The following FSHR variants were observed in gnomAD, a reference collection of about 807,000 sequenced individuals.
The protein encoded by FSHR is follicle stimulating hormone receptor.
A neutral mutation model predicts 52.1 loss-of-function variants in FSHR; 46 were observed. That is an observed-to-expected ratio of 0.88 (90% CI 0.70 to 1.13). FSHR has a LOEUF of 1.13. FSHR is among the 50% of genes most tolerant of loss of function. FSHR has a pLI of 0.00. For missense variants in FSHR, 964 were observed against 834.6 expected, an observed-to-expected ratio of 1.16 and a Z score of -1.91; for synonymous variants, 399 against 309.6, an observed-to-expected ratio of 1.29 and a Z score of -3.03.
In FSHR at chr2:49,148,179, CACGT is replaced by C. The variant is rs1349022980; in HGVS notation, c.152+6083_152+6086del. On this transcript the variant is annotated intron_variant, in intron 1 of 9. Coordinates refer to ENST00000406846, the MANE Select transcript of FSHR (RefSeq NM_000145.4). ...TTAGGTATAGAGAGGCAAGTATTATCACGTAAGTCAAGAGAATTGAATGATGTGC... is the reference window on the plus strand; with the variant it reads ...TTAGGTATAGAGAGGCAAGTATTATCAAGTCAAGAGAATTGAATGATGTGC... Among the ~76,000 whole-genome samples, 9 of 152,068 alleles carry C rather than the reference CACGT, an allele frequency of 5.9e-5. No homozygotes were observed. The South Asian group carries it at 1.5e-3, about 25-fold the overall frequency.
intron 2 of FSHR, among the ~76,000 whole-genome samples, chr2:49,033,968 A>G (rs1668191557): frequency 6.6e-6 from 1 of 152,196 alleles, no homozygotes. Context: ...TTAGGTCCTC[A>G]GCCACTGAAG....
chr2:49,079,421 G>A (rs891636871), intron 1 of FSHR, among the ~76,000 whole-genome samples: 6 of 152,088 alleles, frequency 3.9e-5, no homozygotes, highest in Non-Finnish European at 8.8e-5. Context: ...GGAAGAGCAA[G>A]TTTTAAAGAA....
chr2:49,068,120 G>T, intron 2 of FSHR, 99 bp downstream of exon 2: 2 of 900,908 alleles, frequency 2.2e-6, no homozygotes, highest in Non-Finnish European at 1.8e-6. Flanking sequence ...GACCATGTCA[G>T]TTCGGCTACT....
chr2:49,087,070 G>GATTTTTTTTTTTTTTTTTTTTTTTTTTT (rs60949511), intron 1 of FSHR, among the ~76,000 whole-genome samples: 3 of 86,728 alleles, frequency 3.5e-5, no homozygotes, highest in African/African-American at 1.3e-4. Context: ...TGTGGGCAGG[G>GATTTTTTTTTTTTTTTTTTTTTTTTTTT]TTTTTTTTTT....
chr2:49,083,913 A>C (rs1474084408), intron 1 of FSHR, among the ~76,000 whole-genome samples: 1 of 151,616 alleles, frequency 6.6e-6, no homozygotes, highest in Non-Finnish European at 1.5e-5. Flanking sequence ...TTAACATCCC[A>C]CTGTCAACAT....
chr2:49,138,233 T>C (rs918362707), intron 1 of FSHR, among the ~76,000 whole-genome samples: 1 of 152,114 alleles, frequency 6.6e-6, no homozygotes, highest in Non-Finnish European at 1.5e-5. Flanking sequence ...TACAATGATG[T>C]GAAAAAATAG....
At chr2:49,044,375 A>G (rs1350322948) in intron 2 of FSHR, among the ~76,000 whole-genome samples, 1 of 152,174 alleles carries the variant, frequency 6.6e-6, no homozygotes, top group East Asian at 1.9e-4. Context: ...CACACTTAAA[A>G]TTGGAGGCAT....
chr2:49,031,832 A>G (rs1009377025), intron 2 of FSHR, among the ~76,000 whole-genome samples: 1 of 152,234 alleles, frequency 6.6e-6, no homozygotes, highest in Non-Finnish European at 1.5e-5. Flanking sequence ...CTTTGTGAGA[A>G]TTCTTTATGA....
intron 1 of FSHR, among the ~76,000 whole-genome samples, chr2:49,141,895 C>T (rs923074854): frequency 2.0e-5 from 3 of 152,102 alleles, no homozygotes; most frequent in Non-Finnish European, 4.4e-5. Context: ...AATTTCAATT[C>T]TGATACTGAG....
Position 48,979,674 on chromosome 2 carries a change from G to C in FSHR, c.668+3238C>G, listed in dbSNP as rs142360002. The stretch of plus-strand genomic sequence containing the variant: ...ACTTTGAAGGACCATCTTAACTCCA[G>C]ATCTCCCCATGGGATCAGCTGAGCC... On this transcript the variant is annotated intron_variant, in intron 8 of 9. Transcript: ENST00000406846. Among the ~76,000 whole-genome samples the C allele has an allele frequency of 3.5e-3, 532 of 152,292 alleles. 2 individuals are homozygous for C. Among genetic ancestry groups the C allele is most frequent in the African/African-American group, 0.012 (509 of 41,560 alleles).
intron 2 of FSHR, among the ~76,000 whole-genome samples, chr2:49,044,110 C>A (rs1668574288): frequency 6.6e-6 from 1 of 152,170 alleles, no homozygotes; most frequent in Non-Finnish European, 1.5e-5. Flanking sequence ...CAAATCCTAT[C>A]TGTTCTTTTA....
chr2:49,069,294 A>G (rs1669639779), intron 1 of FSHR, among the ~76,000 whole-genome samples: 1 of 152,030 alleles, frequency 6.6e-6, no homozygotes, highest in South Asian at 2.1e-4. Context: ...ATGTTTCCAC[A>G]TTTGCGGTTC....
At chr2:49,046,382 C>T (rs1668654644) in intron 2 of FSHR, among the ~76,000 whole-genome samples, 1 of 152,292 alleles carries the variant, frequency 6.6e-6, no homozygotes, top group Non-Finnish European at 1.5e-5. Context: ...AATGCATGAA[C>T]TTTGGAGTAA....
intron 6 of FSHR, among the ~76,000 whole-genome samples, chr2:48,983,904 C>G (rs1426057271): frequency 6.6e-6 from 1 of 152,092 alleles, no homozygotes; most frequent in Non-Finnish European, 1.5e-5. Flanking sequence ...GTTCCCTGGA[C>G]AGGGGAGCCC....
At chr2:49,015,510 G>A (rs1030907889) in intron 4 of FSHR, among the ~76,000 whole-genome samples, 11 of 152,134 alleles carry the variant, frequency 7.2e-5, no homozygotes, top group African/African-American at 1.7e-4. Context: ...AGCCATGTGC[G>A]TCTCTCAGAA....
chr2:49,085,439 A>AC (rs1670342466), intron 1 of FSHR, among the ~76,000 whole-genome samples: 12 of 151,352 alleles, frequency 7.9e-5, no homozygotes, highest in South Asian at 4.2e-4. Context: ...TGGCACAACG[A>AC]AGGGATGCCC....
At chr2:49,032,168 A>T (rs1224313935) in intron 2 of FSHR, among the ~76,000 whole-genome samples, 1 of 152,204 alleles carries the variant, frequency 6.6e-6, no homozygotes, top group Non-Finnish European at 1.5e-5. Context: ...GTTTTCTCCA[A>T]GGAAGCCTTC....
rs72879892 is a variant in FSHR at position 49,146,413 on chromosome 2, C to G, written c.152+7853G>C. On this transcript the variant is annotated intron_variant, in intron 1 of 9. Transcript: ENST00000406846. Reference sequence around the variant, plus strand: ...CAGGAGGGATGCAGTGCTCAGAGACCTGTCCCCCTGTTTAGTTATGAAATC... The same window carrying G: ...CAGGAGGGATGCAGTGCTCAGAGACGTGTCCCCCTGTTTAGTTATGAAATC... Among the ~76,000 whole-genome samples, 550 of 152,170 alleles carry G rather than the reference C, an allele frequency of 3.6e-3. 4 individuals are homozygous for G. Among genetic ancestry groups the G allele is most frequent in the African/African-American group, 0.013 (529 of 41,520 alleles).
At chr2:49,048,757 G>C (rs1009739549) in intron 2 of FSHR, among the ~76,000 whole-genome samples, 2 of 152,122 alleles carry the variant, frequency 1.3e-5, no homozygotes, top group African/African-American at 2.4e-5. Flanking sequence ...CTTCTGGAAT[G>C]GTTATATATA....
Sources: allele counts gnomAD v4.1 joint callset (sites outside exome capture counted in the v4.1 genomes callset), GRCh38; gene constraint gnomAD v4.1.1; transcripts MANE v1.5; gene names NCBI Gene and HGNC (gene_info 2026-07-23, HGNC 2026-07-21).